The following NFATC1 variants were observed in gnomAD, a reference collection of about 807,000 sequenced individuals.
The protein encoded by NFATC1 is nuclear factor of activated T-cells, cytoplasmic 1.
NFATC1 carries 22 observed loss-of-function variants against 76.0 expected under a neutral mutation model. That is an observed-to-expected ratio of 0.29 (90% CI 0.21 to 0.41). The LOEUF (loss-of-function observed/expected upper bound fraction) is 0.41. NFATC1 is among the 10% of genes least tolerant of loss of function. NFATC1 has a pLI of 1.00. For synonymous variants in NFATC1, 704 were observed against 613.1 expected (o/e 1.15, Z -2.19); for missense variants, 1,357 against 1,337.7 (o/e 1.01, Z -0.23).
chr18:79,411,366 C>T lies in NFATC1; in HGVS notation c.1091C>T (p.Ala364Val). The T allele has an allele frequency of 1.0e-5, 16 of 1,587,766 alleles. No homozygotes were observed. The highest frequency in any genetic ancestry group is 1.4e-5 in the Non-Finnish European group (16 of 1,169,296). The change falls in exon 2 of 10, where the codon GCC becomes GTC. Residue 364 changes from alanine (A) to valine (V), a missense_variant. Physicochemically the swap from Ala to Val is moderately conservative, Grantham distance 64. Coordinates refer to ENST00000427363, the MANE Select transcript of NFATC1 (RefSeq NM_001278669.2). ...GEDLGSPPPPADFAPEDYSSF... is the reference protein window; with the variant it reads ...GEDLGSPPPPVDFAPEDYSSF... ...GACCTGGGCAGCCCCCCGCCCCCGGCCGACTTCGCGCCCGAAGACTACTCC... is the reference window on the plus strand; with the variant it reads ...GACCTGGGCAGCCCCCCGCCCCCGGTCGACTTCGCGCCCGAAGACTACTCC...
In NFATC1 at chr18:79,411,042, C is replaced by T; in HGVS notation, c.767C>T (p.Ser256Phe). The T allele has an allele frequency of 1.2e-6, 2 of 1,611,914 alleles. No homozygotes were observed. The highest frequency in any genetic ancestry group is 1.7e-6 in the Non-Finnish European group (2 of 1,179,510). ...GAGGAGAGCTGGCTGGGTGCCCGCT[C>T]CTCCAGACCCGCGTCCCCTTGCAAC... ...VTEESWLGAR[S>F]SRPASPCNKR... is the part of the protein sequence containing the mutation. The change falls in exon 2 of 10, where the codon TCC becomes TTC. Residue 256 changes from serine (S) to phenylalanine (F), a missense_variant. By Grantham distance (155) the Ser-to-Phe change is radical. Transcript: ENST00000427363.
At chr18:79,513,440 C>T (rs936108269) in intron 9 of NFATC1, among the ~76,000 whole-genome samples, 3 of 152,230 alleles carry the variant, frequency 2.0e-5, no homozygotes, top group African/African-American at 4.8e-5. Context: ...CGTCATCCCC[C>T]GAGGCTTCTG....
At chr18:79,485,478 C>A (rs1156578269) in intron 8 of NFATC1, among the ~76,000 whole-genome samples, 1 of 152,254 alleles carries the variant, frequency 6.6e-6, no homozygotes, top group African/African-American at 2.4e-5. Context: ...CCAACACCCC[C>A]ACAGAAGCCG....
At chr18:79,481,900 CTGGTCCTGGGGTGTCATTCCAGTGTGACG>C (rs2089286686) in intron 8 of NFATC1, among the ~76,000 whole-genome samples, 2 of 142,970 alleles carry the variant, frequency 1.4e-5, no homozygotes, top group Non-Finnish European at 3.0e-5. Context: ...CCAGCGTGAC[CTGGTCCTGGGGTGTCATTCCAGTGTGACG>C]TGGTCCTGGG....
chr18:79,410,068 T>C lies in NFATC1; in HGVS notation c.128-335T>C, dbSNP rs972862549. The C allele has an allele frequency of 1.6e-6, 1 of 644,488 alleles. No individual in the cohort carries two copies. Among genetic ancestry groups the C allele is most frequent in the Non-Finnish European group, 2.9e-6 (1 of 340,608 alleles). 39.9% of individuals were successfully genotyped at this position (644,488 alleles called of 1,614,324 possible). ...GGACGTTCGGATGAAGATGGGGTGG[T>C]TGGGGAAGGTGGTTTTTGAATGAAG... On this transcript the variant is annotated intron_variant, in intron 1 of 9. Coordinates refer to ENST00000427363, the MANE Select transcript of NFATC1 (RefSeq NM_001278669.2). The surrounding 1 kb of genome is among the most constrained non-coding windows in gnomAD (Gnocchi z 6.7).
intron 2 of NFATC1, chr18:79,422,600 C>T (rs761393232): frequency 5.3e-5 from 8 of 152,236 alleles, no homozygotes; most frequent in Admixed American, 3.9e-4. Context: ...GGAGGGTGTA[C>T]GGCATGGGGC....
intron 1 of NFATC1, chr18:79,400,256 G>GGGGGGA: frequency 8.4e-7 from 1 of 1,195,698 alleles, no homozygotes; most frequent in Non-Finnish European, 1.0e-6. Context: ...GAAACGCCCC[G>GGGGGGA]GGGGGCGGGG....
At chr18:79,476,419 T>C (rs1300731023) in intron 8 of NFATC1, among the ~76,000 whole-genome samples, 1 of 152,206 alleles carries the variant, frequency 6.6e-6, no homozygotes, top group Non-Finnish European at 1.5e-5. Flanking sequence ...GCTTGTGTGG[T>C]CTGTGGGAGC....
At chr18:79,415,844 C>T (rs2085858629) in intron 2 of NFATC1, among the ~76,000 whole-genome samples, 1 of 151,948 alleles carries the variant, frequency 6.6e-6, no homozygotes. Context: ...GGTGGATCAG[C>T]TGAGGTCAGG....
chr18:79,491,322 G>C (rs1002293110), intron 9 of NFATC1, among the ~76,000 whole-genome samples: 1 of 152,148 alleles, frequency 6.6e-6, no homozygotes, highest in African/African-American at 2.4e-5. Flanking sequence ...TGGAGAAGGA[G>C]CAGAGACGAG....
In NFATC1 at chr18:79,410,639, A is replaced by T. The variant is rs1352556345; in HGVS notation, c.364A>T (p.Ile122Leu). Residue 122 changes from isoleucine to leucine, a missense_variant, in exon 2 of 10, where the codon ATA (isoleucine) becomes TTA (leucine). By Grantham distance (5) the Ile-to-Leu change is conservative. Coordinates refer to ENST00000427363, the MANE Select transcript of NFATC1 (RefSeq NM_001278669.2). This position sits in a 1 kb window ranked among gnomAD's most constrained non-coding sequence, Gnocchi z 6.7. ...TGCCCTGGAGAGTCCTCGCATCGAG[A>T]TAACCTCGTGCTTGGGCCTGTACCA... ...APALESPRIEITSCLGLYHNN... is the reference protein window; with the variant it reads ...APALESPRIELTSCLGLYHNN... 6.2e-7 allele frequency: 1 copy of T among 1,613,178 alleles called. No homozygotes were observed. The highest frequency in any genetic ancestry group is 8.5e-7 in the Non-Finnish European group (1 of 1,179,994).
intron 2 of NFATC1, among the ~76,000 whole-genome samples, chr18:79,418,541 G>A (rs2085956453): frequency 6.6e-6 from 1 of 152,188 alleles, no homozygotes; most frequent in Admixed American, 6.5e-5. Flanking sequence ...GAGCCTTCTG[G>A]GGTCAGAGCC....
At chr18:79,506,227 C>T (rs1185538559) in intron 9 of NFATC1, among the ~76,000 whole-genome samples, 1 of 152,204 alleles carries the variant, frequency 6.6e-6, no homozygotes, top group Non-Finnish European at 1.5e-5. Context: ...CAGTTGCCTC[C>T]TCAGCCGCAG....
At position 79,461,303 on chromosome 18, in the gene NFATC1, T is replaced by A; in HGVS notation, c.1904-8T>A. On this transcript the variant is annotated splice_region_variant and splice_polypyrimidine_tract_variant and intron_variant, in intron 6 of 9. Transcript: ENST00000427363. Reference sequence around the variant, plus strand: ...GAGTCACAGACGTTTCCTGCTCCTTTCTTCCAGATGGCCACCATGTCTGGG... The same window carrying A: ...GAGTCACAGACGTTTCCTGCTCCTTACTTCCAGATGGCCACCATGTCTGGG... 1 of 1,588,868 alleles carries A rather than the reference T, an allele frequency of 6.3e-7. No individual in the cohort carries two copies. The highest frequency in any genetic ancestry group is 8.5e-7 in the Non-Finnish European group (1 of 1,171,506).
At chr18:79,520,225 G>A (rs2090483051) in intron 9 of NFATC1, among the ~76,000 whole-genome samples, 2 of 152,082 alleles carry the variant, frequency 1.3e-5, no homozygotes, top group African/African-American at 4.8e-5. Context: ...CTGCCGGGAG[G>A]TCCGGACGAA....
chr18:79,485,037 T>C (rs2089454406), intron 8 of NFATC1, among the ~76,000 whole-genome samples: 1 of 152,184 alleles, frequency 6.6e-6, no homozygotes, highest in Admixed American at 6.5e-5. Flanking sequence ...TCTCGAATTG[T>C]GGAAATGCTT....
At chr18:79,491,722 T>A (rs988577957) in intron 9 of NFATC1, among the ~76,000 whole-genome samples, 18 of 152,114 alleles carry the variant, frequency 1.2e-4, no homozygotes, top group Non-Finnish European at 2.6e-4. Flanking sequence ...GGGGTGCAGA[T>A]TTAGTCTCCA....
At chr18:79,482,376 G>C (rs1016442029) in intron 8 of NFATC1, among the ~76,000 whole-genome samples, 2 of 122,602 alleles carry the variant, frequency 1.6e-5, no homozygotes, top group Admixed American at 8.3e-5. Context: ...GTGTGACGTG[G>C]TCCTGGGGTG....
chr18:79,477,939 C>T (rs1163832928), intron 8 of NFATC1, among the ~76,000 whole-genome samples: 1 of 152,178 alleles, frequency 6.6e-6, no homozygotes, highest in Non-Finnish European at 1.5e-5. Flanking sequence ...CCCCCAGTTA[C>T]CTCCTGCAAA....
Sources: gnomAD v4.1 joint callset for allele counts (sites outside exome capture counted in the v4.1 genomes callset) on GRCh38, gnomAD v4.1.1 for gene constraint, Gnocchi (gnomAD v3.1) non-coding constraint, MANE v1.5 for transcripts, NCBI Gene and HGNC (gene_info 2026-07-23, HGNC 2026-07-21) for gene names.